Variants in PTPN14 observed in about 807,000 individuals in gnomAD.
PTPN14 encodes the protein tyrosine-protein phosphatase non-receptor type 14.
PTPN14 carries 53 observed loss-of-function variants against 126.8 expected under a neutral mutation model. The observed-to-expected ratio is 0.42, with a 90% CI of 0.34 to 0.53. The LOEUF (loss-of-function observed/expected upper bound fraction) is 0.53. PTPN14 is among the 20% of genes least tolerant of loss of function. PTPN14 has a pLI of 0.08. For missense variants in PTPN14, 1,257 were observed against 1,552.9 expected, an observed-to-expected ratio of 0.81 and a Z score of 3.20; for synonymous variants, 630 against 599.3, an observed-to-expected ratio of 1.05 and a Z score of -0.75.
intron 1 of PTPN14, among the ~76,000 whole-genome samples, chr1:214,476,480 T>A (rs1253032720): frequency 6.6e-6 from 1 of 152,156 alleles, no homozygotes; most frequent in Admixed American, 6.5e-5. Flanking sequence ...TTTCCACACC[T>A]TCCTTTCCCC....
intron 1 of PTPN14, among the ~76,000 whole-genome samples, chr1:214,467,497 G>A (rs891924555): frequency 6.6e-6 from 1 of 152,156 alleles, no homozygotes; most frequent in Non-Finnish European, 1.5e-5. Context: ...GATATCATTT[G>A]CAATGCATAA....
chr1:214,364,727 G>GT lies in PTPN14; in HGVS notation c.3272-53dup, dbSNP rs779915734. ...ACCAAAGTCCTCCATGGCTTCGCAT[G>GT]TAAGTTGGGGAGGGGGGAGCGGAAG... is the stretch of plus-strand genomic sequence containing the variant. On this transcript the variant is annotated intron_variant, in intron 17 of 18. Coordinates refer to ENST00000366956, the MANE Select transcript of PTPN14 (RefSeq NM_005401.5). The surrounding 1 kb of genome is among the most constrained non-coding windows in gnomAD (Gnocchi z 4.1). The GT allele has an allele frequency of 2.2e-5, 34 of 1,572,488 alleles. No homozygotes were observed. The highest frequency in any genetic ancestry group is 2.9e-5 in the Non-Finnish European group (33 of 1,156,512).
In PTPN14 at chr1:214,394,965, G is replaced by C. The variant is rs763737003; in HGVS notation, c.780C>G (p.Ile260Met). 1.2e-6 allele frequency: 2 copies of C among 1,613,194 alleles called. No homozygotes were observed. The highest frequency in any genetic ancestry group is 4.5e-5 in the East Asian group (2 of 44,872). Residue 260 changes from isoleucine (I) to methionine (M), a missense_variant, in exon 9 of 19, where the codon ATC (isoleucine) becomes ATG (methionine). Physicochemically the swap from Ile to Met is conservative, Grantham distance 10 (BLOSUM62 1). Coordinates refer to ENST00000366956, the MANE Select transcript of PTPN14 (RefSeq NM_005401.5). ...VIYRWNDMGN[I>M]THNKSTILVE... ...CTAGAATGGTCGACTTGTTATGAGT[G>C]ATATTCCCCATGTCATTCCACCTGG...
chr1:214,493,161 C>T (rs1016661772), intron 1 of PTPN14, among the ~76,000 whole-genome samples: 1 of 152,192 alleles, frequency 6.6e-6, no homozygotes, highest in South Asian at 2.1e-4. Context: ...GTCCTGGGTG[C>T]GAGGAAGCCT....
rs545632800 is a variant in PTPN14, at chr1:214,349,541, T to C, written c.*8381A>G. On this transcript the variant is annotated 3_prime_UTR_variant, in exon 19 of 19. Transcript: ENST00000366956. ...ACTGAAGTAGGGAGCACAAGCCTAG[T>C]CCAGTGAAACAAACTAGATTAGCTT... is the stretch of plus-strand genomic sequence containing the variant. 1.3e-5 allele frequency: 2 copies of C among 152,218 alleles called. No homozygotes were observed. The highest frequency in any genetic ancestry group is 2.9e-5 in the Non-Finnish European group (2 of 68,032). 9.4% of individuals were successfully genotyped at this position (152,218 alleles called of 1,614,324 possible). A position where few individuals can be genotyped will look rare whatever the true frequency, so the allele number is the denominator to read the frequency against.
chr1:214,536,100 CA>C (rs1229793710), intron 1 of PTPN14, among the ~76,000 whole-genome samples: 1 of 118,874 alleles, frequency 8.4e-6, no homozygotes, highest in Non-Finnish European at 1.6e-5. Context: ...ATAACAACAA[CA>C]AAAAAAGGCC....
At chr1:214,378,625 G>T (rs2102530177) in intron 13 of PTPN14, among the ~76,000 whole-genome samples, 1 of 152,318 alleles carries the variant, frequency 6.6e-6, no homozygotes, top group East Asian at 1.9e-4. Context: ...TAATGCTGAG[G>T]ACGTTAATTC....
At chr1:214,538,019 G>A (rs542838218) in intron 1 of PTPN14, among the ~76,000 whole-genome samples, 1 of 152,008 alleles carries the variant, frequency 6.6e-6, no homozygotes, top group African/African-American at 2.4e-5. Context: ...ATGTGTATTT[G>A]ACACTGACAG....
At chr1:214,398,267 A>G (rs947947903) in intron 7 of PTPN14, among the ~76,000 whole-genome samples, 1 of 152,222 alleles carries the variant, frequency 6.6e-6, no homozygotes, top group African/African-American at 2.4e-5. Context: ...TCTCACTTAC[A>G]CATGGAATCT....
At chr1:214,387,351 A>C (rs1658643416) in intron 11 of PTPN14, among the ~76,000 whole-genome samples, 1 of 152,198 alleles carries the variant, frequency 6.6e-6, no homozygotes, top group Non-Finnish European at 1.5e-5. Context: ...ATTTCTATTA[A>C]AAATACAAAA....
chr1:214,492,640 G>A (rs888128235), intron 1 of PTPN14, among the ~76,000 whole-genome samples: 2 of 152,196 alleles, frequency 1.3e-5, no homozygotes, highest in African/African-American at 4.8e-5. Context: ...GGGCATGGTG[G>A]CTCAGACCTG....
At chr1:214,520,065 A>AAAAAATATATATATATATATATATAT in intron 1 of PTPN14, among the ~76,000 whole-genome samples, 2 of 71,110 alleles carry the variant, frequency 2.8e-5, no homozygotes, top group East Asian at 4.8e-4. Flanking sequence ...AAAAAAAAAA[A>AAAAAATATATATATATATATATATAT]ATATATATAT....
At chr1:214,380,892 T>TG (rs1658456994) in intron 13 of PTPN14, among the ~76,000 whole-genome samples, 1 of 152,184 alleles carries the variant, frequency 6.6e-6, no homozygotes, top group African/African-American at 2.4e-5. Flanking sequence ...CCTGGCCTCC[T>TG]GGCTCACTGA....
chr1:214,500,913 G>A (rs1475801611), intron 1 of PTPN14, among the ~76,000 whole-genome samples: 1 of 152,120 alleles, frequency 6.6e-6, no homozygotes, highest in African/African-American at 2.4e-5. Context: ...TAGAGGAAAG[G>A]TTTAAAAACA....
chr1:214,378,944 C>T lies in PTPN14; in HGVS notation c.2545-842G>A, dbSNP rs75215032. 7.0e-3 allele frequency among the ~76,000 whole-genome samples: 1,064 copies of T among 152,250 alleles called. 16 individuals are homozygous for T. Among genetic ancestry groups the T allele is most frequent in the African/African-American group, 0.025 (1,025 of 41,548 alleles). On this transcript the variant is annotated intron_variant, in intron 13 of 18. Transcript: ENST00000366956. Reference sequence around the variant, plus strand: ...TCCTGGTTTGTGGCTTTTTGATTTCCATCCTCTCTGCCCTCACCTCTAAAT... The same window carrying T: ...TCCTGGTTTGTGGCTTTTTGATTTCTATCCTCTCTGCCCTCACCTCTAAAT...
At chr1:214,414,808 TAAAAC>T in intron 3 of PTPN14, 82 bp from the exon 4 acceptor site, 1 of 1,122,562 alleles carries the variant, frequency 8.9e-7, no homozygotes, top group South Asian at 1.3e-5. Context: ...CCTCTAGATG[TAAAAC>T]CTTGTGTACA....
At chr1:214,386,529 TGAAG>T (rs1340871780) in intron 12 of PTPN14, among the ~76,000 whole-genome samples, 1 of 152,222 alleles carries the variant, frequency 6.6e-6, no homozygotes, top group East Asian at 1.9e-4. Context: ...ATACTGGCAA[TGAAG>T]GTGAAGTGCA....
chr1:214,469,337 T>G (rs1660705007), intron 1 of PTPN14, among the ~76,000 whole-genome samples: 1 of 152,222 alleles, frequency 6.6e-6, no homozygotes, highest in Admixed American at 6.5e-5. Context: ...AGCTCCCTCC[T>G]ATATTTTATG....
intron 4 of PTPN14, 64 bp from the exon 5 acceptor site, chr1:214,411,815 G>A (rs1659316266): frequency 2.0e-6 from 2 of 1,018,290 alleles, no homozygotes; most frequent in Non-Finnish European, 3.0e-6. Flanking sequence ...GAATAAAATA[G>A]GGCAAACTCA....
Sources: allele counts gnomAD v4.1 joint callset (sites outside exome capture counted in the v4.1 genomes callset), GRCh38; gene constraint gnomAD v4.1.1; non-coding constraint Gnocchi (gnomAD v3.1); transcripts MANE v1.5; gene names NCBI Gene and HGNC (gene_info 2026-07-23, HGNC 2026-07-21).